IARS1: variants seen among roughly 807,000 people sequenced by gnomAD.
IARS1 encodes isoleucyl-tRNA synthetase 1.
IARS1 carries 124 observed loss-of-function variants against 168.2 expected under a neutral mutation model. The observed-to-expected ratio is 0.74, with a 90% CI of 0.64 to 0.86. The LOEUF (loss-of-function observed/expected upper bound fraction) is 0.86, where lower values mean the gene tolerates loss of function less well. Among genes scored for constraint, IARS1 ranks in the 40% least tolerant of loss-of-function variants. The pLI is 0.00. For missense variants in IARS1, 1,452 were observed against 1,515.8 expected, an observed-to-expected ratio of 0.96 and a Z score of 0.70; for synonymous variants, 532 against 529.4, an observed-to-expected ratio of 1.00 and a Z score of -0.07.
In IARS1 at chr9:92,283,250, G is replaced by T. The variant is rs376776399; in HGVS notation, c.598-2357C>A. Among the ~76,000 whole-genome samples the T allele has an allele frequency of 3.9e-5, 6 of 152,350 alleles. No homozygotes were observed. The South Asian group carries it at 1.2e-3, about 32-fold the overall frequency. ...TCATACAGTGGGTGAGTTAAGAATG[G>T]TGACAAAATTGAGAACACTTTGCCT... On this transcript the variant is annotated intron_variant, in intron 6 of 33. Transcript: ENST00000443024.
intron 14 of IARS1, among the ~76,000 whole-genome samples, chr9:92,267,208 C>T (rs12345020): frequency 1.5e-3 from 231 of 152,284 alleles, no homozygotes; most frequent in Non-Finnish European, 2.9e-3. Flanking sequence ...TGACAAGGGC[C>T]ACACCAGTAG....
intron 30 of IARS1, 38 bp downstream of exon 30, chr9:92,240,818 T>TA (rs766429670): frequency 3.5e-5 from 45 of 1,297,342 alleles, no homozygotes; most frequent in South Asian, 6.0e-5. Context: ...TAAGTATAAC[T>TA]AAAAAAAAGT....
At chr9:92,236,429 A>G (rs1246897003) in intron 30 of IARS1, among the ~76,000 whole-genome samples, 1 of 152,218 alleles carries the variant, frequency 6.6e-6, no homozygotes, top group Non-Finnish European at 1.5e-5. Context: ...CTCCAGTGAA[A>G]CTGGGCCTGG....
Position 92,242,232 on chromosome 9 carries a change from T to TATGA in IARS1, c.3095_3098dup (p.Phe1034HisfsTer19). 2.5e-6 allele frequency: 4 copies of TATGA among 1,614,008 alleles called. No homozygotes were observed. The highest frequency in any genetic ancestry group is 3.4e-6 in the Non-Finnish European group (4 of 1,179,844). On this transcript the variant is annotated frameshift_variant, in exon 29 of 34. Coordinates refer to ENST00000443024, the MANE Select transcript of IARS1 (RefSeq NM_002161.6). LOFTEE classifies it high-confidence loss of function. Reference sequence around the variant, plus strand: ...TCAAGGGAGCCTTTATGGTGGTAAATATGAACTCTGTGTGGCTTTCAATAA... The same window carrying TATGA: ...TCAAGGGAGCCTTTATGGTGGTAAATATGAATGAACTCTGTGTGGCTTTCAATAA...
intron 26 of IARS1, among the ~76,000 whole-genome samples, chr9:92,245,893 A>G (rs889810498): frequency 6.6e-6 from 1 of 151,674 alleles, no homozygotes; most frequent in African/African-American, 2.4e-5. Context: ...CAGTCTCCTG[A>G]GTAGCTGGAA....
Position 92,247,539 on chromosome 9 carries a change from G to C in IARS1, c.2629C>G (p.Arg877Gly). ...TTATCTGTAGACAGTGTAACTTTTC[G>C]AACATTGAGTTCCTACAGTTAATGC... ...EKYIIEELNV[R>G]KVTLSTDKNK... The change falls in exon 26 of 34, where the codon CGA becomes GGA. Residue 877 changes from arginine to glycine, a missense_variant. Coordinates refer to ENST00000443024, the MANE Select transcript of IARS1 (RefSeq NM_002161.6). 1.2e-6 allele frequency: 2 copies of C among 1,612,934 alleles called. No individual in the cohort carries two copies. Among genetic ancestry groups the C allele is most frequent in the Non-Finnish European group, 1.7e-6 (2 of 1,179,668 alleles).
chr9:92,291,888 G>T (rs984228057), intron 1 of IARS1, among the ~76,000 whole-genome samples: 15 of 152,154 alleles, frequency 9.9e-5, no homozygotes, highest in Non-Finnish European at 1.9e-4. Flanking sequence ...ATCCCTAGGG[G>T]ATGAGCATTC....
At chr9:92,213,221 G>A (rs1338226486) in intron 33 of IARS1, among the ~76,000 whole-genome samples, 2 of 152,102 alleles carry the variant, frequency 1.3e-5, no homozygotes, top group East Asian at 3.8e-4. Context: ...AATGCTTTTG[G>A]CACTAAAGAG....
At chr9:92,277,105 T>C (rs1273128171) in intron 9 of IARS1, among the ~76,000 whole-genome samples, 1 of 152,164 alleles carries the variant, frequency 6.6e-6, no homozygotes, top group East Asian at 1.9e-4. Flanking sequence ...ATATGTAGAC[T>C]ACATGCAATA....
At chr9:92,222,757 C>G (rs1839854489) in intron 32 of IARS1, 85 bp from the exon 33 acceptor site, 3 of 1,436,136 alleles carry the variant, frequency 2.1e-6, no homozygotes, top group Non-Finnish European at 2.9e-6. Flanking sequence ...ACAGCTCTAA[C>G]AGGCAGTGCT....
intron 19 of IARS1, 151 bp from the exon 20 acceptor site, chr9:92,256,951 A>G: frequency 1.5e-6 from 1 of 653,368 alleles, no homozygotes; most frequent in Non-Finnish European, 2.4e-6. Flanking sequence ...CAATATTTTC[A>G]AGATAAGCAC....
At chr9:92,293,478 A>G in intron 1 of IARS1, 133 bp downstream of exon 1, 1 of 530,984 alleles carries the variant, frequency 1.9e-6, no homozygotes, top group Non-Finnish European at 3.9e-6. Flanking sequence ...CTGAGGCTGG[A>G]AACGAACGAA....
At chr9:92,245,092 T>A (rs1828992006) in intron 26 of IARS1, 21 bp from the exon 27 acceptor site, 2 of 1,592,670 alleles carry the variant, frequency 1.3e-6, no homozygotes, top group Admixed American at 1.7e-5. Flanking sequence ...GCAGCTACAC[T>A]GTTAATCAGC....
intron 33 of IARS1, among the ~76,000 whole-genome samples, chr9:92,220,913 G>A (rs1166068230): frequency 6.6e-6 from 1 of 152,164 alleles, no homozygotes; most frequent in African/African-American, 2.4e-5. Flanking sequence ...GCAGTGAGCT[G>A]TGATTGAGCC....
chr9:92,259,902 A>G (rs1490138544), intron 18 of IARS1, among the ~76,000 whole-genome samples: 1 of 152,236 alleles, frequency 6.6e-6, no homozygotes, highest in Non-Finnish European at 1.5e-5. Context: ...GAGGACTTGG[A>G]CAGCTCAACA....
chr9:92,211,362 T>A (rs12344154), intron 33 of IARS1, among the ~76,000 whole-genome samples: 51,253 of 151,924 alleles, frequency 0.34, 11,083 homozygotes, highest in African/African-American at 0.6. Context: ...TCTCTCTCTC[T>A]CTCACTCTCG....
intron 33 of IARS1, among the ~76,000 whole-genome samples, chr9:92,220,392 A>C (rs1446311795): frequency 3.3e-5 from 5 of 151,398 alleles, no homozygotes; most frequent in Admixed American, 3.3e-4. Context: ...CAATGTGCAC[A>C]TGTACCCTAA....
chr9:92,222,804 G>T, intron 32 of IARS1, 132 bp from the exon 33 acceptor site: 1 of 699,260 alleles, frequency 1.4e-6, no homozygotes, highest in Non-Finnish European at 2.3e-6. Context: ...GAGTGTGACC[G>T]CTGAAGATGC....
chr9:92,242,146 G>A lies in IARS1; in HGVS notation c.3177+8C>T, dbSNP rs1828515674. 1 of 1,610,080 alleles carries A rather than the reference G, an allele frequency of 6.2e-7. No individual in the cohort carries two copies. Among genetic ancestry groups the A allele is most frequent in the Non-Finnish European group, 8.5e-7 (1 of 1,176,940 alleles). Reference sequence around the variant, plus strand: ...TTTAGTAGTAGTTCAGTGGAACTCAGGACTCACCTGTGTTTTTTCTTGAAT... The same window carrying A: ...TTTAGTAGTAGTTCAGTGGAACTCAAGACTCACCTGTGTTTTTTCTTGAAT... On this transcript the variant is annotated splice_region_variant and intron_variant, in intron 29 of 33. Coordinates refer to ENST00000443024, the MANE Select transcript of IARS1 (RefSeq NM_002161.6).
Sources: gnomAD v4.1 joint callset for allele counts (sites outside exome capture counted in the v4.1 genomes callset) on GRCh38, gnomAD v4.1.1 for gene constraint, MANE v1.5 for transcripts, NCBI Gene and HGNC (gene_info 2026-07-23, HGNC 2026-07-21) for gene names.